The following FREM1 variants were observed in gnomAD, a reference collection of about 807,000 sequenced individuals.
FREM1 encodes the protein FRAS1 related extracellular matrix 1, also known as FRAS1-related extracellular matrix protein 1.
FREM1 carries 220 observed loss-of-function variants against 210.1 expected under a neutral mutation model. The observed-to-expected ratio is 1.05, with a 90% CI of 0.94 to 1.17. The LOEUF is 1.17. Ranked by LOEUF, FREM1 falls within the 50% of genes most tolerant of loss-of-function variation. The pLI, the probability that FREM1 is intolerant of heterozygous loss-of-function variation, is 0.00. For synonymous variants in FREM1, 1,189 were observed against 980.2 expected (o/e 1.21, Z -3.98); for missense variants, 3,454 against 2,675.5 (o/e 1.29, Z -6.42).
At chr9:14,774,511 ATCTCTCTCTCTCTCTCTCTC>A (rs36211636) in intron 25 of FREM1, among the ~76,000 whole-genome samples, 1,550 of 136,326 alleles carry the variant, frequency 0.011, 20 homozygotes, top group African/African-American at 0.023. Flanking sequence ...CCTAAAATAA[ATCTCTCTCTCTCTCTCTCTC>A]TCTCTCTCTC....
At chr9:14,879,081 T>C (rs890364406) in intron 1 of FREM1, among the ~76,000 whole-genome samples, 15 of 146,736 alleles carry the variant, frequency 1.0e-4, no homozygotes, top group African/African-American at 3.6e-4. Flanking sequence ...GACTTGAACC[T>C]GGGAGGCGGA....
At chr9:14,782,182 T>C (rs921539547) in intron 24 of FREM1, among the ~76,000 whole-genome samples, 5 of 152,194 alleles carry the variant, frequency 3.3e-5, no homozygotes, top group Non-Finnish European at 5.9e-5. Context: ...GGCCCAAGAA[T>C]TTGCATTTTG....
chr9:14,889,886 G>A (rs148719322), intron 1 of FREM1, among the ~76,000 whole-genome samples: 7 of 152,308 alleles, frequency 4.6e-5, no homozygotes, highest in Non-Finnish European at 7.3e-5. Context: ...AACATTAAGC[G>A]TGAGCATTTT....
chr9:14,781,637 A>C (rs542416378), intron 24 of FREM1, among the ~76,000 whole-genome samples: 8 of 152,276 alleles, frequency 5.3e-5, no homozygotes, highest in Admixed American at 2.6e-4. Context: ...CACACACCTA[A>C]GTTCCATCAG....
chr9:14,821,774 G>A (rs897449660), intron 13 of FREM1, among the ~76,000 whole-genome samples: 2 of 152,236 alleles, frequency 1.3e-5, no homozygotes, highest in Non-Finnish European at 2.9e-5. Flanking sequence ...CACGCCCTAT[G>A]CAATGGCTGC....
In FREM1 at chr9:14,797,662, T is replaced by A. The variant is rs1420064193; in HGVS notation, c.3695-20A>T. ...TCATTCCTGGAAGAAGGAAAAAAAATAAGTAAATCTTCCTTATGATTGAAC... is the reference window on the plus strand; with the variant it reads ...TCATTCCTGGAAGAAGGAAAAAAAAAAAGTAAATCTTCCTTATGATTGAAC... On this transcript the variant is annotated intron_variant, in intron 20 of 36. Coordinates refer to ENST00000380880, the MANE Select transcript of FREM1 (RefSeq NM_001379081.2). 5 of 1,594,926 alleles carry A rather than the reference T, an allele frequency of 3.1e-6. No homozygotes were observed. Among genetic ancestry groups the A allele is most frequent in the East Asian group, 2.2e-5 (1 of 44,752 alleles).
At chr9:14,888,699 C>G (rs1482911528) in intron 1 of FREM1, among the ~76,000 whole-genome samples, 1 of 152,148 alleles carries the variant, frequency 6.6e-6, no homozygotes, top group Non-Finnish European at 1.5e-5. Context: ...TGTGTGTTGA[C>G]TCTGTCTATA....
chr9:14,798,964 A>G (rs911307341), intron 20 of FREM1, among the ~76,000 whole-genome samples: 2 of 151,804 alleles, frequency 1.3e-5, no homozygotes, highest in African/African-American at 2.4e-5. Flanking sequence ...GTGAACCACC[A>G]CACCCGGTCT....
At chr9:14,877,323 A>C (rs1240890689) in intron 1 of FREM1, among the ~76,000 whole-genome samples, 3 of 151,828 alleles carry the variant, frequency 2.0e-5, no homozygotes, top group Non-Finnish European at 4.4e-5. Flanking sequence ...ATGAAGCCAA[A>C]ATTGAGCTCT....
At chr9:14,828,693 T>C (rs1822973279) in intron 10 of FREM1, among the ~76,000 whole-genome samples, 1 of 151,924 alleles carries the variant, frequency 6.6e-6, no homozygotes, top group Non-Finnish European at 1.5e-5. Flanking sequence ...TATAAATTTA[T>C]TTATGGAAAT....
intron 1 of FREM1, among the ~76,000 whole-genome samples, chr9:14,872,995 A>T (rs1832976669): frequency 6.6e-6 from 1 of 151,530 alleles, no homozygotes; most frequent in African/African-American, 2.4e-5. Context: ...ATATTGAACC[A>T]GCCTTGCATC....
chr9:14,844,238 T>A (rs1439190742), intron 8 of FREM1, among the ~76,000 whole-genome samples: 1 of 151,856 alleles, frequency 6.6e-6, no homozygotes, highest in Non-Finnish European at 1.5e-5. Context: ...TTTTTTTTTT[T>A]TTCTTTAGAC....
chr9:14,740,434 G>T (rs1353591698), intron 35 of FREM1, among the ~76,000 whole-genome samples, 200 bp from the exon 36 acceptor site: 1 of 152,280 alleles, frequency 6.6e-6, no homozygotes, highest in East Asian at 1.9e-4. Context: ...GAAAGTGATG[G>T]TTTATTATAA....
intron 29 of FREM1, among the ~76,000 whole-genome samples, chr9:14,753,704 G>C (rs573729588): frequency 1.3e-5 from 2 of 152,246 alleles, no homozygotes; most frequent in African/African-American, 4.8e-5. Flanking sequence ...TATGGGGATG[G>C]GGACACCAGA....
chr9:14,883,665 T>C lies in FREM1; in HGVS notation c.-267-14421A>G, dbSNP rs561066600. Among the ~76,000 whole-genome samples the C allele has an allele frequency of 3.9e-5, 6 of 152,338 alleles. No individual in the cohort carries two copies. The East Asian group carries it at 9.6e-4, about 24-fold the overall frequency. On this transcript the variant is annotated intron_variant, in intron 1 of 36. Transcript: ENST00000380880. ...CCTCAAAATGAGACGGTAATAACTGTCTTGTCTCTGACACAAAATTACTAT... is the reference window on the plus strand; with the variant it reads ...CCTCAAAATGAGACGGTAATAACTGCCTTGTCTCTGACACAAAATTACTAT...
intron 36 of FREM1, among the ~76,000 whole-genome samples, chr9:14,739,503 ATGAATATATGTATATAT>A (rs1841109547): frequency 6.8e-6 from 1 of 146,222 alleles, no homozygotes; most frequent in African/African-American, 2.5e-5. Context: ...TCATATATAT[ATGAATATATGTATATAT>A]TCCAATATGT....
rs1340164926 is a variant in FREM1, at chr9:14,868,819, T to C, written c.159A>G (p.Lys53=). ...CTTCCACTTTGCAGGCATCTTTCTC[T>C]TTAGGGATGGCAAACTTCAGGTCAT... The part of the protein sequence containing the change: ...SGDDLKFAIP[K]EKDACKVEVV... The change falls in exon 2 of 37, where the codon AAA becomes AAG. Residue 53 remains lysine (K), a synonymous_variant. Transcript: ENST00000380880. 7 of 1,612,934 alleles carry C rather than the reference T, an allele frequency of 4.3e-6. No individual in the cohort carries two copies. The highest frequency in any genetic ancestry group is 5.9e-6 in the Non-Finnish European group (7 of 1,179,470).
chr9:14,765,561 T>A (rs1432114194), intron 27 of FREM1, among the ~76,000 whole-genome samples: 2 of 152,222 alleles, frequency 1.3e-5, no homozygotes, highest in Admixed American at 6.5e-5. Context: ...TAAGATCTAG[T>A]CTGAAGACAA....
intron 27 of FREM1, among the ~76,000 whole-genome samples, chr9:14,762,308 G>A (rs542050322): frequency 6.6e-6 from 1 of 152,314 alleles, no homozygotes; most frequent in South Asian, 2.1e-4. Context: ...TCAGCCATCA[G>A]TAGGGTTCAA....
Sources: gnomAD v4.1 joint callset for allele counts (sites outside exome capture counted in the v4.1 genomes callset) on GRCh38, gnomAD v4.1.1 for gene constraint, MANE v1.5 for transcripts, NCBI Gene and HGNC (gene_info 2026-07-23, HGNC 2026-07-21) for gene names.